The following TLE4 variants were observed in gnomAD, a reference collection of about 807,000 sequenced individuals.
TLE4 encodes the protein TLE family member 4, transcriptional corepressor.
A neutral mutation model predicts 92.8 loss-of-function variants in TLE4; 8 were observed. The ratio of observed to expected loss-of-function variants is 0.09; its 90% CI spans 0.05 to 0.16. The LOEUF (loss-of-function observed/expected upper bound fraction) is 0.16, where lower values mean the gene tolerates loss of function less well. Among genes scored for constraint, TLE4 ranks in the 10% least tolerant of loss-of-function variants. TLE4 has a pLI of 1.00. For synonymous variants in TLE4, 371 were observed against 374.1 expected, an observed-to-expected ratio of 0.99 and a Z score of 0.10; for missense variants, 675 against 997.6, an observed-to-expected ratio of 0.68 and a Z score of 4.36.
chr9:79,688,640 T>G (rs2066397479), intron 8 of TLE4, among the ~76,000 whole-genome samples: 1 of 151,720 alleles, frequency 6.6e-6, no homozygotes, highest in Non-Finnish European at 1.5e-5. Context: ...TTGATGTTTA[T>G]ACGATATTCT....
chr9:79,654,952 G>A (rs953622731), intron 8 of TLE4, among the ~76,000 whole-genome samples: 2 of 152,172 alleles, frequency 1.3e-5, no homozygotes, highest in African/African-American at 2.4e-5. Context: ...GACCATCCTG[G>A]CCAACATGGC....
intron 6 of TLE4, among the ~76,000 whole-genome samples, chr9:79,631,983 G>GT (rs1016332219): frequency 1.3e-5 from 2 of 151,936 alleles, no homozygotes; most frequent in Admixed American, 1.3e-4. Context: ...AAAAATTTAC[G>GT]TTTTTTTACA....
intron 8 of TLE4, among the ~76,000 whole-genome samples, chr9:79,694,342 C>A (rs1323305231): frequency 6.6e-6 from 1 of 152,102 alleles, no homozygotes; most frequent in Non-Finnish European, 1.5e-5. Flanking sequence ...ACTGGACTTA[C>A]CTTTCAACAT....
At chr9:79,698,234 T>C (rs934828198) in intron 8 of TLE4, among the ~76,000 whole-genome samples, 4 of 152,220 alleles carry the variant, frequency 2.6e-5, no homozygotes, top group African/African-American at 9.6e-5. Context: ...GTCTGACTTT[T>C]ATACCTGTAG....
chr9:79,676,291 AAATT>A (rs1313770376), intron 8 of TLE4, among the ~76,000 whole-genome samples: 1 of 151,988 alleles, frequency 6.6e-6, no homozygotes, highest in Non-Finnish European at 1.5e-5. Context: ...TCAATACTCT[AAATT>A]AATTGTTTTC....
chr9:79,701,572 T>C (rs1048026116), intron 8 of TLE4, among the ~76,000 whole-genome samples: 5 of 152,236 alleles, frequency 3.3e-5, no homozygotes, highest in African/African-American at 1.2e-4. Context: ...TTCTTCTTTT[T>C]GTAAAATATG....
At chr9:79,715,442 C>T (rs2074296750) in intron 14 of TLE4, among the ~76,000 whole-genome samples, 7 of 152,018 alleles carry the variant, frequency 4.6e-5, no homozygotes, top group Admixed American at 4.6e-4. Context: ...CTGGCCGTCT[C>T]CTGAGATCAT....
intron 8 of TLE4, among the ~76,000 whole-genome samples, chr9:79,701,964 A>G (rs1031545908): frequency 1.3e-5 from 2 of 152,252 alleles, no homozygotes; most frequent in Non-Finnish European, 2.9e-5. Context: ...AAGGGAACAA[A>G]GAGGAATGAA....
At position 79,719,329 on chromosome 9, in the gene TLE4, T is replaced by TG. The variant is rs535770226; in HGVS notation, c.1590+359dup. Among the ~76,000 whole-genome samples, 528 of 152,118 alleles carry TG rather than the reference T, an allele frequency of 3.5e-3. 5 individuals carry two copies. The highest frequency in any genetic ancestry group is 0.011 in the African/African-American group (451 of 41,474). On this transcript the variant is annotated intron_variant, in intron 15 of 19. Transcript: ENST00000376552. ...ATGTAAAGAGTAACTTACTGCCTCA[T>TG]GTGGCAAATACTAGATAGCCCCTCA... is the stretch of plus-strand genomic sequence containing the variant.
intron 4 of TLE4, among the ~76,000 whole-genome samples, chr9:79,584,353 C>T (rs983718090): frequency 4.6e-5 from 7 of 152,140 alleles, no homozygotes; most frequent in African/African-American, 1.7e-4. Context: ...CTCTGCCCTG[C>T]CCAAAGGGAG....
chr9:79,704,765 C>T lies in TLE4; in HGVS notation c.610-18C>T, dbSNP rs1460298908. On this transcript the variant is annotated intron_variant, in intron 8 of 19. Transcript: ENST00000376552. ...GATGATAATTTCTCAACCATGCTTC[C>T]TCTCCTTCTAATTCCAGAGCTCTTC... 9 of 1,601,836 alleles carry T rather than the reference C, an allele frequency of 5.6e-6. No homozygotes were observed. The highest frequency in any genetic ancestry group is 7.6e-6 in the Non-Finnish European group (9 of 1,176,924).
intron 8 of TLE4, among the ~76,000 whole-genome samples, chr9:79,680,626 C>T (rs988035076): frequency 3.9e-5 from 6 of 152,180 alleles, no homozygotes; most frequent in African/African-American, 1.4e-4. Context: ...ATTTCCTTCT[C>T]CTGCCTGATT....
chr9:79,725,800 T>G lies in TLE4; in HGVS notation c.*656T>G, dbSNP rs2076329450. On this transcript the variant is annotated 3_prime_UTR_variant, in exon 20 of 20. Coordinates refer to ENST00000376552, the MANE Select transcript of TLE4 (RefSeq NM_007005.6). ...AACGTTAACCAATATATCTATAGCT[T>G]TAGATTATATTCGATAAAAGTAATT... 1 of 152,652 alleles carries G rather than the reference T, an allele frequency of 6.6e-6. No homozygotes were observed. Among genetic ancestry groups the G allele is most frequent in the African/African-American group, 2.4e-5 (1 of 41,460 alleles). The allele number at this position is 152,652 out of a possible 1,614,324, so 9.5% of individuals were successfully genotyped here. A position where few individuals can be genotyped will look rare whatever the true frequency, so the allele number is the denominator to read the frequency against.
intron 8 of TLE4, among the ~76,000 whole-genome samples, chr9:79,697,963 G>T (rs1277413963): frequency 6.6e-6 from 1 of 152,090 alleles, no homozygotes; most frequent in Non-Finnish European, 1.5e-5. Context: ...TACTTAGTGG[G>T]TTAAATACTT....
chr9:79,629,922 G>A (rs1293251989), intron 6 of TLE4, among the ~76,000 whole-genome samples: 1 of 152,134 alleles, frequency 6.6e-6, no homozygotes, highest in Non-Finnish European at 1.5e-5. Context: ...GAGCGTAGAT[G>A]GCTGGCTGAG....
chr9:79,717,178 G>A lies in TLE4; in HGVS notation c.1341-1544G>A, dbSNP rs76721435. 9.8e-3 allele frequency among the ~76,000 whole-genome samples: 1,487 copies of A among 152,182 alleles called. 31 individuals are homozygous for A. Among genetic ancestry groups the A allele is most frequent in the African/African-American group, 0.034 (1,397 of 41,500 alleles). The stretch of plus-strand genomic sequence containing the variant: ...TGATATCTAACCTGACCTCTCTCCT[G>A]AATCACAGCTGTTTGGATTTCTGCC... On this transcript the variant is annotated intron_variant, in intron 14 of 19. Coordinates refer to ENST00000376552, the MANE Select transcript of TLE4 (RefSeq NM_007005.6).
At chr9:79,692,676 T>C (rs774223548) in intron 8 of TLE4, among the ~76,000 whole-genome samples, 47 of 152,218 alleles carry the variant, frequency 3.1e-4, no homozygotes, top group Admixed American at 1.4e-3. Context: ...CTCTATTAGA[T>C]GCTTGATGAG....
intron 4 of TLE4, among the ~76,000 whole-genome samples, chr9:79,600,487 AC>A (rs1057296389): frequency 2.6e-5 from 4 of 152,180 alleles, no homozygotes; most frequent in African/African-American, 9.7e-5. Flanking sequence ...ACAAAAACAC[AC>A]AAAAACAGAC....
At chr9:79,674,623 G>A (rs2062958943) in intron 8 of TLE4, among the ~76,000 whole-genome samples, 1 of 152,168 alleles carries the variant, frequency 6.6e-6, no homozygotes, top group Non-Finnish European at 1.5e-5. Context: ...ATTTGTAGTA[G>A]TGCTGTTGTG....
Sources: gnomAD v4.1 joint callset for allele counts (sites outside exome capture counted in the v4.1 genomes callset) on GRCh38, gnomAD v4.1.1 for gene constraint, MANE v1.5 for transcripts, NCBI Gene and HGNC (gene_info 2026-07-23, HGNC 2026-07-21) for gene names.